Variants in EXOC6 observed in about 807,000 individuals in gnomAD.
EXOC6 encodes the protein SEC15-like 1.
In EXOC6, 60 loss-of-function variants were observed where a neutral mutation model predicts 112.5. That is an observed-to-expected ratio of 0.53 (90% CI 0.43 to 0.66). EXOC6 has a LOEUF of 0.66. EXOC6 is among the 30% of genes least tolerant of loss of function. The pLI is 0.00. For missense variants in EXOC6, 855 were observed against 957.1 expected (o/e 0.89, Z 1.41); for synonymous variants, 295 against 308.0 (o/e 0.96, Z 0.44).
intron 1 of EXOC6, among the ~76,000 whole-genome samples, chr10:92,827,746 A>G (rs1018492655): frequency 3.9e-5 from 6 of 152,142 alleles, no homozygotes; most frequent in Non-Finnish European, 7.3e-5. Context: ...TGCAAGAGCT[A>G]AAGGTCATTC....
chr10:92,970,470 C>T (rs993635497), intron 17 of EXOC6, among the ~76,000 whole-genome samples: 10 of 152,098 alleles, frequency 6.6e-5, no homozygotes, highest in African/African-American at 1.7e-4. Context: ...TTTTGGTATC[C>T]GAGGGAGATC....
upstream of EXOC6, among the ~76,000 whole-genome samples, chr10:92,844,012 G>A (rs535142373): frequency 1.5e-4 from 22 of 147,592 alleles, no homozygotes; most frequent in South Asian, 2.2e-4. Flanking sequence ...TTAGCTGGGC[G>A]TGGTGGCACG....
At chr10:93,007,697 A>C (rs1367580398) in intron 19 of EXOC6, among the ~76,000 whole-genome samples, 2 of 152,168 alleles carry the variant, frequency 1.3e-5, no homozygotes. Context: ...CCAATTTGGA[A>C]GATAGTTTTG....
chr10:92,942,023 A>G (rs1462252438), intron 13 of EXOC6, among the ~76,000 whole-genome samples: 1 of 152,232 alleles, frequency 6.6e-6, no homozygotes. Context: ...AGTACGTTAG[A>G]TGATTTAATA....
intron 18 of EXOC6, among the ~76,000 whole-genome samples, chr10:92,981,330 AC>A (rs1211807096): frequency 6.6e-6 from 1 of 152,112 alleles, no homozygotes; most frequent in Admixed American, 6.6e-5. Flanking sequence ...CTGCCTAACC[AC>A]CCAGCACTGG....
chr10:92,951,407 T>A (rs150834691), intron 14 of EXOC6, among the ~76,000 whole-genome samples: 1 of 152,214 alleles, frequency 6.6e-6, no homozygotes, highest in East Asian at 1.9e-4. Context: ...AAAACCAGTG[T>A]GGGCAGGAAT....
At chr10:92,833,424 C>T (rs1266248757), upstream of EXOC6, among the ~76,000 whole-genome samples, 1 of 152,302 alleles carries the variant, frequency 6.6e-6, no homozygotes, top group East Asian at 1.9e-4. Context: ...TTTAGAAAGT[C>T]CAGGCTCAGA....
At chr10:92,977,676 G>GACAC (rs10636165) in intron 18 of EXOC6, among the ~76,000 whole-genome samples, 298 of 150,706 alleles carry the variant, frequency 2.0e-3, no homozygotes, top group Middle Eastern at 0.014. Flanking sequence ...CGTGCTTGCA[G>GACAC]ACACACACAC....
intron 13 of EXOC6, among the ~76,000 whole-genome samples, chr10:92,946,720 C>G (rs1271719027): frequency 6.6e-6 from 1 of 152,052 alleles, no homozygotes; most frequent in Non-Finnish European, 1.5e-5. Context: ...GGTTTTACAC[C>G]CCCCCACACA....
intron 1 of EXOC6, among the ~76,000 whole-genome samples, chr10:92,873,127 T>C (rs1819892829): frequency 6.6e-6 from 1 of 152,216 alleles, no homozygotes; most frequent in African/African-American, 2.4e-5. Context: ...TTTTCATCTC[T>C]CATTTTTTGC....
chr10:92,856,354 A>G (rs1847602075), intron 1 of EXOC6, among the ~76,000 whole-genome samples: 1 of 151,992 alleles, frequency 6.6e-6, no homozygotes, highest in Non-Finnish European at 1.5e-5. Flanking sequence ...ATTTTTCTCT[A>G]AGAACAGCAT....
chr10:92,948,152 G>T, intron 13 of EXOC6, 122 bp from the exon 14 acceptor site: 1 of 560,864 alleles, frequency 1.8e-6, no homozygotes, highest in Non-Finnish European at 3.1e-6. Context: ...CTTCCTGTTT[G>T]GACCTTTAAT....
chr10:93,023,850 T>A lies in EXOC6; in HGVS notation c.2169+9583T>A, dbSNP rs192463985. 4.9e-4 allele frequency among the ~76,000 whole-genome samples: 73 copies of A among 150,490 alleles called. 2 individuals carry two copies. The East Asian group carries it at 0.011, about 23-fold the overall frequency. Reference sequence around the variant, plus strand: ...TTCAGTGATAATTTTTTATAACTTATTTTTTTAATAACTCATTCTTAATAC... The same window carrying A: ...TTCAGTGATAATTTTTTATAACTTAATTTTTTAATAACTCATTCTTAATAC... On this transcript the variant is annotated intron_variant, in intron 20 of 21. Coordinates refer to ENST00000260762, the MANE Select transcript of EXOC6 (RefSeq NM_019053.6).
intron 8 of EXOC6, among the ~76,000 whole-genome samples, chr10:92,923,391 C>A (rs560745408): frequency 3.9e-5 from 6 of 152,304 alleles, no homozygotes; most frequent in African/African-American, 1.4e-4. Flanking sequence ...TGCCTTAAAA[C>A]AACAAACATT....
intron 1 of EXOC6, among the ~76,000 whole-genome samples, chr10:92,863,880 A>T (rs1482084241): frequency 6.7e-6 from 1 of 148,844 alleles, no homozygotes; most frequent in African/African-American, 2.5e-5. Context: ...GCGCCACTGC[A>T]CTCCAGCCTG....
In EXOC6 at chr10:92,952,261, C is replaced by T; in HGVS notation, c.1417-12C>T. On this transcript the variant is annotated splice_polypyrimidine_tract_variant and intron_variant, in intron 14 of 21. Coordinates refer to ENST00000260762, the MANE Select transcript of EXOC6 (RefSeq NM_019053.6). ...AAATTTCAAAAACAATATTAACTTT[C>T]TTTTTCTACAGCAGTCTTTCCCAAA... is the stretch of plus-strand genomic sequence containing the variant. The T allele has an allele frequency of 6.6e-7, 1 of 1,520,786 alleles. No homozygotes were observed. Among genetic ancestry groups the T allele is most frequent in the Non-Finnish European group, 9.0e-7 (1 of 1,108,088 alleles). 94.2% of individuals were successfully genotyped at this position (1,520,786 alleles called of 1,614,324 possible). A position where few individuals can be genotyped will look rare whatever the true frequency, so the allele number is the denominator to read the frequency against.
intron 18 of EXOC6, among the ~76,000 whole-genome samples, chr10:92,990,960 A>G (rs573886600): frequency 6.6e-6 from 1 of 152,312 alleles, no homozygotes; most frequent in South Asian, 2.1e-4. Context: ...CATGAGTGAC[A>G]AAGACCTACT....
intron 18 of EXOC6, among the ~76,000 whole-genome samples, chr10:92,990,825 AT>A (rs1209113435): frequency 6.6e-6 from 1 of 151,948 alleles, no homozygotes; most frequent in African/African-American, 2.4e-5. Flanking sequence ...TCTCTGAGTC[AT>A]TTTTTCCCCC....
At chr10:92,961,398 A>G (rs1037008011) in intron 17 of EXOC6, among the ~76,000 whole-genome samples, 12 of 152,196 alleles carry the variant, frequency 7.9e-5, no homozygotes, top group Non-Finnish European at 1.3e-4. Flanking sequence ...AGAGGACTGT[A>G]TAAAGCAGTT....
Sources: allele counts gnomAD v4.1 joint callset (sites outside exome capture counted in the v4.1 genomes callset), GRCh38; gene constraint gnomAD v4.1.1; transcripts MANE v1.5; gene names NCBI Gene and HGNC (gene_info 2026-07-23, HGNC 2026-07-21).